COQ8A: variants seen among roughly 807,000 people sequenced by gnomAD.
COQ8A encodes the protein coenzyme Q8A, also known as atypical kinase COQ8A, mitochondrial.
A neutral mutation model predicts 65.0 loss-of-function variants in COQ8A; 51 were observed. The ratio of observed to expected loss-of-function variants is 0.78; its 90% CI spans 0.63 to 0.99. COQ8A has a LOEUF of 0.99. COQ8A is among the 50% of genes least tolerant of loss of function. The probability of loss-of-function intolerance (pLI) is 0.00; values close to 1 mark genes in which losing one functional copy is unlikely to be tolerated. For synonymous variants in COQ8A, 371 were observed against 353.2 expected (o/e 1.05, Z -0.57); for missense variants, 940 against 875.0 (o/e 1.07, Z -0.94).
chr1:226,976,565 T>C (rs1034580936), intron 4 of COQ8A, among the ~76,000 whole-genome samples: 1 of 152,158 alleles, frequency 6.6e-6, no homozygotes, highest in Non-Finnish European at 1.5e-5. Context: ...TCACCCTCTT[T>C]CTGCTCACCC....
rs1659960556 is a variant in COQ8A, at chr1:226,984,624, C to T, written c.1475C>T (p.Ser492Phe). Residue 492 changes from serine to phenylalanine, a missense_variant, in exon 12 of 15, where the codon TCC becomes TTC. Physicochemically the swap from Ser to Phe is radical, Grantham distance 155. Transcript: ENST00000366777. The stretch of plus-strand genomic sequence containing the variant: ...TTCATGCAAACAGACCCCAACTGGT[C>T]CAACTTCTTCTATGACCCCCAGCAG... Reference protein sequence around the residue: ...FHFMQTDPNWSNFFYDPQQHK... With the variant: ...FHFMQTDPNWFNFFYDPQQHK... 4 of 1,614,188 alleles carry T rather than the reference C, an allele frequency of 2.5e-6. No individual in the cohort carries two copies. The highest frequency in any genetic ancestry group is 2.5e-6 in the Non-Finnish European group (3 of 1,180,012).
chr1:226,983,449 C>T, intron 8 of COQ8A, 103 bp from the exon 9 acceptor site: 1 of 1,095,284 alleles, frequency 9.1e-7, no homozygotes, highest in Non-Finnish European at 1.4e-6. Context: ...TGGGCTGGGG[C>T]CAGGACACAG....
In COQ8A at chr1:226,984,933, T is replaced by C; in HGVS notation, c.1564T>C (p.Tyr522His). Residue 522 changes from tyrosine (Y) to histidine (H), a missense_variant, in exon 13 of 15, where the codon TAC becomes CAC. Coordinates refer to ENST00000366777, the MANE Select transcript of COQ8A (RefSeq NM_020247.5). Reference sequence around the variant, plus strand: ...ATATGACAGATCCTTCACCGACCTCTACATTCAGGTAACTGGAGAGGGGCC... The same window carrying C: ...ATATGACAGATCCTTCACCGACCTCCACATTCAGGTAACTGGAGAGGGGCC... ...REYDRSFTDL[Y>H]IQIIRAAADR... The C allele has an allele frequency of 1.2e-6, 2 of 1,614,180 alleles. No individual in the cohort carries two copies. The highest frequency in any genetic ancestry group is 1.7e-6 in the Non-Finnish European group (2 of 1,180,020).
At chr1:226,977,344 GGT>G in intron 4 of COQ8A, 103 bp from the exon 5 acceptor site, 1 of 1,065,378 alleles carries the variant, frequency 9.4e-7, no homozygotes, top group East Asian at 2.7e-5. Context: ...GAGGGCCCCT[GGT>G]GCAAGCGGTG....
chr1:226,983,346 G>A, intron 8 of COQ8A: 2 of 674,756 alleles, frequency 3.0e-6, no homozygotes, highest in Non-Finnish European at 5.2e-6. Flanking sequence ...GTTCCCAGGG[G>A]TGAGGTGAGG....
At chr1:226,978,679 C>CACCCTCCACACACCTGCACACCTT (rs1558201862) in intron 5 of COQ8A, among the ~76,000 whole-genome samples, 2 of 92,608 alleles carry the variant, frequency 2.2e-5, no homozygotes, top group East Asian at 5.1e-4. Flanking sequence ...CCTCCTTACA[C>CACCCTCCACACACCTGCACACCTT]ACCCTCCACA....
intron 1 of COQ8A, among the ~76,000 whole-genome samples, chr1:226,947,361 G>A (rs1657104415): frequency 6.6e-6 from 1 of 152,078 alleles, no homozygotes; most frequent in Non-Finnish European, 1.5e-5. Context: ...TCAATGAGTG[G>A]GGATAATACC....
At chr1:226,978,843 C>T (rs894283623) in intron 5 of COQ8A, among the ~76,000 whole-genome samples, 5 of 122,662 alleles carry the variant, frequency 4.1e-5, no homozygotes, top group African/African-American at 1.4e-4. Flanking sequence ...CTTACACACC[C>T]ACCTCATACC....
chr1:226,942,813 C>T (rs1446339938), intron 1 of COQ8A, among the ~76,000 whole-genome samples: 2 of 152,194 alleles, frequency 1.3e-5, no homozygotes, highest in Non-Finnish European at 2.9e-5. Context: ...CTCCTTTGGT[C>T]AGCCTGCTCA....
chr1:226,964,964 T>C (rs762974556), intron 2 of COQ8A, 36 bp from the exon 3 acceptor site: 1 of 1,612,076 alleles, frequency 6.2e-7, no homozygotes, highest in Non-Finnish European at 8.5e-7. Context: ...CCTGGCTCGC[T>C]CTTGCTCTCC....
chr1:226,984,472 G>A, intron 11 of COQ8A, 76 bp from the exon 12 acceptor site: 1 of 1,396,584 alleles, frequency 7.2e-7, no homozygotes, highest in Non-Finnish European at 1.0e-6. Context: ...GGAGGCAGGG[G>A]CTTCTCTGGC....
rs1657262924 is a variant in COQ8A at position 226,949,766 on chromosome 1, T to A, written c.-10+9367T>A. Among the ~76,000 whole-genome samples, 1 of 152,206 alleles carries A rather than the reference T, an allele frequency of 6.6e-6. No individual in the cohort carries two copies. On this transcript the variant is annotated intron_variant, in intron 1 of 14. Coordinates refer to ENST00000366777, the MANE Select transcript of COQ8A (RefSeq NM_020247.5). This position sits in a 1 kb window ranked among gnomAD's most constrained non-coding sequence, Gnocchi z 4.0. ...GTGCTTGCAATACTACTACTAATAATAATGGCATTAGCTAATGGTTTTTAA... is the reference window on the plus strand; with the variant it reads ...GTGCTTGCAATACTACTACTAATAAAAATGGCATTAGCTAATGGTTTTTAA...
At position 226,982,587 on chromosome 1, in the gene COQ8A, T is replaced by C. The variant is rs185237874; in HGVS notation, c.854-91T>C. ...CGTGCTCCTGGTGGGGAGGGTGTGG[T>C]GGCCAGGGCATCCCAGGAGTGTGCC... On this transcript the variant is annotated intron_variant, in intron 6 of 14. Coordinates refer to ENST00000366777, the MANE Select transcript of COQ8A (RefSeq NM_020247.5). 1.6e-4 allele frequency: 218 copies of C among 1,366,490 alleles called. 1 individual carries two copies. In the African/African-American group the frequency reaches 2.6e-3, roughly 16 times the overall value. 84.6% of individuals were successfully genotyped at this position (1,366,490 alleles called of 1,614,324 possible).
intron 4 of COQ8A, among the ~76,000 whole-genome samples, chr1:226,973,398 G>C (rs1659012813): frequency 6.6e-6 from 1 of 152,216 alleles, no homozygotes; most frequent in South Asian, 2.1e-4. Context: ...CCAAGAAGAA[G>C]CATATGGCCC....
chr1:226,958,470 A>T (rs1338010228), intron 1 of COQ8A, among the ~76,000 whole-genome samples: 1 of 152,098 alleles, frequency 6.6e-6, no homozygotes, highest in Non-Finnish European at 1.5e-5. Context: ...TGTCAGCATC[A>T]GTTGGCCCCT....
At chr1:226,962,939 T>G (rs1308415068) in intron 2 of COQ8A, among the ~76,000 whole-genome samples, 1 of 152,206 alleles carries the variant, frequency 6.6e-6, no homozygotes, top group East Asian at 1.9e-4. Flanking sequence ...CAGCCTGGAC[T>G]CCATGCTCTT....
In COQ8A at chr1:226,961,367, T is replaced by G. The variant is rs764338820; in HGVS notation, c.-9-10T>G. 6.2e-7 allele frequency: 1 copy of G among 1,613,384 alleles called. No homozygotes were observed. Among genetic ancestry groups the G allele is most frequent in the South Asian group, 1.1e-5 (1 of 91,080 alleles). ...TGGGGCCTCCCCTGACTTGGCCTCC[T>G]CTCTTCCAGCCCTGAAGGATGGCTG... On this transcript the variant is annotated splice_polypyrimidine_tract_variant and intron_variant, in intron 1 of 14. Coordinates refer to ENST00000366777, the MANE Select transcript of COQ8A (RefSeq NM_020247.5).
rs768614344 is a variant in COQ8A, at chr1:226,986,609, A to C, written c.1816A>C (p.Thr606Pro). The change falls in exon 15 of 15, where the codon ACC becomes CCC. Residue 606 changes from threonine to proline, a missense_variant. Physicochemically the swap from Thr to Pro is conservative, Grantham distance 38. Transcript: ENST00000366777. ...RHRLVPPPEETYSLHRKMGGS... is the reference protein window; with the variant it reads ...RHRLVPPPEEPYSLHRKMGGS... The stretch of plus-strand genomic sequence containing the variant: ...CCGTCTCGTCCCCCCACCCGAGGAA[A>C]CCTACTCCCTGCACAGGAAGATGGG... 46 of 1,613,376 alleles carry C rather than the reference A, an allele frequency of 2.9e-5. No individual in the cohort carries two copies. The highest frequency in any genetic ancestry group is 3.8e-5 in the Non-Finnish European group (45 of 1,179,950).
At position 226,987,317 on chromosome 1, in the gene COQ8A, G is replaced by T. The variant is rs1178829543; in HGVS notation, c.*580G>T. The T allele has an allele frequency of 6.4e-6, 1 of 155,314 alleles. No homozygotes were observed. The highest frequency in any genetic ancestry group is 1.4e-5 in the Non-Finnish European group (1 of 70,100). The allele number at this position is 155,314 out of a possible 1,614,324, so 9.6% of individuals were successfully genotyped here. On this transcript the variant is annotated 3_prime_UTR_variant, in exon 15 of 15. Transcript: ENST00000366777. The stretch of plus-strand genomic sequence containing the variant: ...CCTTTGACAGCTGAATGTTCCTAAA[G>T]AACTGCTGCCCCACAGTGAGGGTGG...
Sources: allele counts gnomAD v4.1 joint callset (sites outside exome capture counted in the v4.1 genomes callset), GRCh38; gene constraint gnomAD v4.1.1; non-coding constraint Gnocchi (gnomAD v3.1); transcripts MANE v1.5; gene names NCBI Gene and HGNC (gene_info 2026-07-23, HGNC 2026-07-21).